Variants in MUSK observed in about 807,000 individuals in gnomAD.
The protein encoded by MUSK is muscle, skeletal receptor tyrosine-protein kinase.
In MUSK, 55 loss-of-function variants were observed where a neutral mutation model predicts 88.7. That is an observed-to-expected ratio of 0.62 (90% CI 0.50 to 0.78). The LOEUF (loss-of-function observed/expected upper bound fraction) is 0.78, where lower values mean the gene tolerates loss of function less well. Among genes scored for constraint, MUSK ranks in the 30% least tolerant of loss-of-function variants. The pLI is 0.00. For missense variants in MUSK, 1,015 were observed against 1,074.3 expected (o/e 0.94, Z 0.77); for synonymous variants, 387 against 391.9 (o/e 0.99, Z 0.15).
chr9:110,722,114 T>A (rs1004194773), intron 5 of MUSK, among the ~76,000 whole-genome samples: 5 of 152,104 alleles, frequency 3.3e-5, no homozygotes, highest in African/African-American at 1.2e-4. Flanking sequence ...AGGACTTAAA[T>A]TGAAGACCTG....
chr9:110,776,073 T>A, intron 10 of MUSK, 110 bp downstream of exon 10: 1 of 1,220,876 alleles, frequency 8.2e-7, no homozygotes. Context: ...TCTAATTTTT[T>A]TTTTTTGAGT....
chr9:110,758,235 A>G (rs148625058), intron 7 of MUSK, among the ~76,000 whole-genome samples: 183 of 152,342 alleles, frequency 1.2e-3, no homozygotes, highest in African/African-American at 4.2e-3. Context: ...AAGTGCTGGA[A>G]TTACAGGCAT....
At chr9:110,688,685 G>A (rs2076229960) in intron 3 of MUSK, among the ~76,000 whole-genome samples, 2 of 151,830 alleles carry the variant, frequency 1.3e-5, no homozygotes, top group African/African-American at 2.4e-5. Context: ...CCCATCGTTA[G>A]CTCCCACTTC....
chr9:110,697,505 G>GGAAGACA, intron 5 of MUSK, 39 bp downstream of exon 5: 1 of 1,590,620 alleles, frequency 6.3e-7, no homozygotes, highest in Non-Finnish European at 8.6e-7. Flanking sequence ...GTGTGACCAG[G>GGAAGACA]GGCCTCACTG....
At chr9:110,717,986 G>A (rs780161207) in intron 5 of MUSK, among the ~76,000 whole-genome samples, 4 of 152,064 alleles carry the variant, frequency 2.6e-5, no homozygotes, top group Non-Finnish European at 5.9e-5. Context: ...CTATAACTCA[G>A]GAAGTACAGA....
chr9:110,691,927 T>G lies in MUSK; in HGVS notation c.359-3476T>G, dbSNP rs147320887. Among the ~76,000 whole-genome samples, 438 of 152,276 alleles carry G rather than the reference T, an allele frequency of 2.9e-3. 5 individuals are homozygous for G. Among genetic ancestry groups the G allele is most frequent in the South Asian group, 0.022 (104 of 4,828 alleles). On this transcript the variant is annotated intron_variant, in intron 3 of 14. Transcript: ENST00000374448. ...TGCATGCAGAATGAGAGTTTTAAAA[T>G]CCCTTTTCTTTAGTTTTAGTAGATA...
chr9:110,771,264 A>G (rs1447064388), intron 9 of MUSK, among the ~76,000 whole-genome samples: 1 of 127,512 alleles, frequency 7.8e-6, no homozygotes, highest in African/African-American at 3.1e-5. Context: ...GTATTTTTGT[A>G]TTTTTAGTAG....
chr9:110,687,213 C>G lies in MUSK; in HGVS notation c.303C>G (p.Ala101=). 6.2e-7 allele frequency: 1 copy of G among 1,613,818 alleles called. No individual in the cohort carries two copies. The highest frequency in any genetic ancestry group is 8.5e-7 in the Non-Finnish European group (1 of 1,179,816). ...ATGATGGCATTTACTGCTGCACGGC[C>G]AACAATGGTGTGGGAGGAGCTGTGG... ...DSDDGIYCCT[A]NNGVGGAVES... Residue 101 remains alanine, a synonymous_variant, in exon 3 of 15, where the codon GCC becomes GCG. Transcript: ENST00000374448.
chr9:110,679,942 A>AT (rs1275050390), intron 1 of MUSK, among the ~76,000 whole-genome samples: 4 of 151,982 alleles, frequency 2.6e-5, no homozygotes, highest in Non-Finnish European at 1.5e-5. Flanking sequence ...AAAATTTGTG[A>AT]TTTTTTAATA....
intron 14 of MUSK, among the ~76,000 whole-genome samples, chr9:110,797,143 AAATAAAT>A (rs1564297753): frequency 6.0e-5 from 3 of 50,146 alleles, no homozygotes; most frequent in African/African-American, 1.4e-4. Flanking sequence ...AAAAAATAAA[AAATAAAT>A]GCATGAATAC....
At chr9:110,711,955 C>T (rs2076677030) in intron 5 of MUSK, among the ~76,000 whole-genome samples, 1 of 152,078 alleles carries the variant, frequency 6.6e-6, no homozygotes, top group Admixed American at 6.6e-5. Flanking sequence ...AATGCTAAAT[C>T]GTTCTCCTCC....
intron 3 of MUSK, among the ~76,000 whole-genome samples, chr9:110,689,064 CTATAGTTATA>C (rs1207520567): frequency 1.5e-5 from 2 of 133,518 alleles, no homozygotes; most frequent in East Asian, 2.2e-4. Flanking sequence ...AAATATATAG[CTATAGTTATA>C]TATAGTTATA....
At chr9:110,783,192 T>C (rs2077791619) in intron 11 of MUSK, among the ~76,000 whole-genome samples, 1 of 152,208 alleles carries the variant, frequency 6.6e-6, no homozygotes. Flanking sequence ...GTTGCTAATA[T>C]TTCGTTTAGG....
At chr9:110,672,063 C>T (rs992608696) in intron 1 of MUSK, among the ~76,000 whole-genome samples, 3 of 152,170 alleles carry the variant, frequency 2.0e-5, no homozygotes, top group African/African-American at 7.2e-5. Context: ...AAATCCAGGA[C>T]ACACAGTCCT....
chr9:110,766,653 A>G (rs1249386324), intron 8 of MUSK, among the ~76,000 whole-genome samples: 8 of 152,206 alleles, frequency 5.3e-5, no homozygotes, highest in Non-Finnish European at 1.2e-4. Context: ...TTTAAATTCA[A>G]TTGGGGTCAC....
At chr9:110,671,629 C>G (rs769529640) in intron 1 of MUSK, among the ~76,000 whole-genome samples, 15 of 152,132 alleles carry the variant, frequency 9.9e-5, no homozygotes, top group African/African-American at 1.4e-4. Flanking sequence ...CATTGTCTTT[C>G]TGAATCATTT....
chr9:110,739,906 G>T (rs542276560), intron 6 of MUSK, among the ~76,000 whole-genome samples: 35 of 152,144 alleles, frequency 2.3e-4, no homozygotes, highest in Middle Eastern at 3.4e-3. Context: ...AGGACAGGCT[G>T]TCCAACTTTT....
chr9:110,709,617 C>T (rs566127576), intron 5 of MUSK, among the ~76,000 whole-genome samples: 2 of 152,312 alleles, frequency 1.3e-5, no homozygotes, highest in African/African-American at 4.8e-5. Context: ...GCTAATATAA[C>T]TTCTGTGCAA....
At chr9:110,785,117 T>C in intron 12 of MUSK, 101 bp downstream of exon 12, 1 of 990,252 alleles carries the variant, frequency 1.0e-6, no homozygotes, top group East Asian at 2.4e-5. Flanking sequence ...ACTGCAACTC[T>C]CTAAATATAT....
Sources: allele counts gnomAD v4.1 joint callset (sites outside exome capture counted in the v4.1 genomes callset), GRCh38; gene constraint gnomAD v4.1.1; transcripts MANE v1.5; gene names NCBI Gene and HGNC (gene_info 2026-07-23, HGNC 2026-07-21).